TTC3: variants seen among roughly 807,000 people sequenced by gnomAD.
The protein encoded by TTC3 is tetratricopeptide repeat domain 3.
In TTC3, 180 loss-of-function variants were observed where a neutral mutation model predicts 249.6. The observed-to-expected ratio is 0.72, with a 90% CI of 0.64 to 0.82. The LOEUF (loss-of-function observed/expected upper bound fraction) is 0.82. Among genes scored for constraint, TTC3 ranks in the 40% least tolerant of loss-of-function variants. TTC3 has a pLI of 0.00. For synonymous variants in TTC3, 717 were observed against 805.0 expected, an observed-to-expected ratio of 0.89 and a Z score of 1.85; for missense variants, 2,061 against 2,398.4, an observed-to-expected ratio of 0.86 and a Z score of 2.94.
At chr21:37,147,422 A>T in intron 21 of TTC3, 59 bp from the exon 22 acceptor site, 1 of 1,462,266 alleles carries the variant, frequency 6.8e-7, no homozygotes, top group Non-Finnish European at 9.1e-7. Context: ...TGAAATCACA[A>T]GCATTTTTAT....
intron 10 of TTC3, among the ~76,000 whole-genome samples, chr21:37,102,718 C>T (rs1329766722): frequency 3.3e-5 from 5 of 152,160 alleles, no homozygotes; most frequent in Non-Finnish European, 1.5e-5. Context: ...AGAGTAAGGC[C>T]AGGTGCAGTG....
intron 18 of TTC3, among the ~76,000 whole-genome samples, chr21:37,137,612 T>C (rs768713195): frequency 6.6e-6 from 1 of 152,172 alleles, no homozygotes; most frequent in Non-Finnish European, 1.5e-5. Flanking sequence ...TGGAATCTAC[T>C]CCTTGTGAAG....
chr21:37,195,582 C>T lies in TTC3; in HGVS notation c.5218-93C>T, dbSNP rs530067520. 7.0e-5 allele frequency: 105 copies of T among 1,496,326 alleles called. 1 individual carries two copies. In the East Asian group the frequency reaches 2.1e-3, roughly 30 times the overall value. The allele number at this position is 1,496,326 out of a possible 1,614,324, so 92.7% of individuals were successfully genotyped here. On this transcript the variant is annotated intron_variant, in intron 41 of 45. Transcript: ENST00000355666. Reference sequence around the variant, plus strand: ...TCCTGTGCACGGAGCCTCTGCGCTGCGTTACTGTATTTATTCATCGGCCTT... The same window carrying T: ...TCCTGTGCACGGAGCCTCTGCGCTGTGTTACTGTATTTATTCATCGGCCTT...
intron 11 of TTC3, among the ~76,000 whole-genome samples, chr21:37,112,073 C>T (rs1485621857): frequency 6.6e-6 from 1 of 151,948 alleles, no homozygotes. Flanking sequence ...ATTTATAGCA[C>T]TAAATGCCCA....
chr21:37,166,144 A>G lies in TTC3; in HGVS notation c.3930A>G (p.Gln1310=), dbSNP rs1601924362. 8.1e-6 allele frequency: 13 copies of G among 1,614,202 alleles called. No homozygotes were observed. The highest frequency in any genetic ancestry group is 1.1e-5 in the South Asian group (1 of 91,088). Reference sequence around the variant, plus strand: ...ATGTGAAACCAACTTATTGGGCTCAATCCCATTTGGTCACAGGATACTGTA... The same window carrying G: ...ATGTGAAACCAACTTATTGGGCTCAGTCCCATTTGGTCACAGGATACTGTA... The change falls in exon 33 of 46, where the codon CAA becomes CAG. Residue 1310 remains glutamine (Q), a synonymous_variant. Transcript: ENST00000355666.
chr21:37,107,088 T>C (rs903508235), intron 10 of TTC3, among the ~76,000 whole-genome samples: 5 of 152,212 alleles, frequency 3.3e-5, no homozygotes, highest in African/African-American at 1.2e-4. Flanking sequence ...TTTTTTTTTT[T>C]TTTGTACGTA....
intron 32 of TTC3, among the ~76,000 whole-genome samples, chr21:37,164,502 C>T (rs576854992): frequency 9.5e-5 from 11 of 115,824 alleles, no homozygotes; most frequent in African/African-American, 6.8e-5. Flanking sequence ...CCATGCCTGG[C>T]TAATTTTTGT....
chr21:37,129,612 G>T (rs1174733888), intron 16 of TTC3, among the ~76,000 whole-genome samples: 1 of 152,156 alleles, frequency 6.6e-6, no homozygotes, highest in East Asian at 1.9e-4. Context: ...AAAATTAACA[G>T]TAATTAATTG....
chr21:37,119,811 T>A (rs570782960), intron 11 of TTC3, among the ~76,000 whole-genome samples: 1 of 152,346 alleles, frequency 6.6e-6, no homozygotes, highest in Admixed American at 6.5e-5. Context: ...TACTTCATTT[T>A]GGTCAGAAGT....
chr21:37,147,703 G>A (rs2079098513), intron 22 of TTC3, 100 bp downstream of exon 22: 2 of 1,330,826 alleles, frequency 1.5e-6, no homozygotes, highest in Non-Finnish European at 2.0e-6. Flanking sequence ...TCTCTGGCTA[G>A]TTAGCAGTCG....
intron 41 of TTC3, 65 bp from the exon 42 acceptor site, chr21:37,195,610 T>C (rs7280251): frequency 0.48 from 733,843 of 1,525,836 alleles, 179,450 homozygotes; most frequent in African/African-American, 0.65. Flanking sequence ...TCGGCCTTTG[T>C]CCTTGGGCGT....
At chr21:37,091,176 G>C (rs1601328053) in intron 6 of TTC3, 117 bp from the exon 7 acceptor site, 1 of 1,087,050 alleles carries the variant, frequency 9.2e-7, no homozygotes, top group East Asian at 2.6e-5. Context: ...AAAATAAGTG[G>C]TTGTACCAGT....
chr21:37,090,246 T>A, exon 6 of TTC3: 1 of 1,605,052 alleles, frequency 6.2e-7, no homozygotes, highest in South Asian at 1.1e-5. Flanking sequence ...GATTCATTCC[T>A]TATTGGAGGC....
chr21:37,129,641 G>GT (rs1054409772), intron 16 of TTC3, among the ~76,000 whole-genome samples: 20 of 149,616 alleles, frequency 1.3e-4, no homozygotes, highest in Admixed American at 6.0e-4. Flanking sequence ...CTTTTTTTTT[G>GT]TTTTTTTGAG....
chr21:37,095,236 C>T, intron 8 of TTC3, 114 bp from the exon 9 acceptor site: 3 of 632,452 alleles, frequency 4.7e-6, no homozygotes, highest in South Asian at 2.0e-5. Context: ...TAAATAATCC[C>T]CTATGTTATT....
intron 11 of TTC3, among the ~76,000 whole-genome samples, chr21:37,120,944 TTAAG>T (rs1022928982): frequency 1.3e-5 from 2 of 152,184 alleles, no homozygotes; most frequent in Non-Finnish European, 2.9e-5. Flanking sequence ...GGTTTGCCTC[TTAAG>T]TAAGTGTGAT....
At chr21:37,113,572 G>T (rs1809749517) in intron 11 of TTC3, among the ~76,000 whole-genome samples, 1 of 152,158 alleles carries the variant, frequency 6.6e-6, no homozygotes, top group South Asian at 2.1e-4. Flanking sequence ...CATGCTCATG[G>T]GTAGGAAGAA....
rs549838096 is a variant in TTC3, at chr21:37,129,924, C to T, written c.1358+861C>T. On this transcript the variant is annotated intron_variant, in intron 16 of 45. Coordinates refer to ENST00000355666, the Ensembl canonical transcript of TTC3. ...CCTCCCAGAGTGCTGGGATTGCAGG[C>T]GTGTGCCTGGCCTTGCCTCCTGTCT... Among the ~76,000 whole-genome samples, 29 of 152,302 alleles carry T rather than the reference C, an allele frequency of 1.9e-4. No homozygotes were observed. The East Asian group carries it at 2.5e-3, about 13-fold the overall frequency.
rs562599417 is a variant in TTC3, at chr21:37,114,784, C to A, written c.900+6338C>A. Among the ~76,000 whole-genome samples the A allele has an allele frequency of 5.0e-4, 76 of 152,260 alleles. No homozygotes were observed. In the Middle Eastern group the frequency reaches 0.01, roughly 20 times the overall value. ...ATAGCAAAGACTTGGAACCAACCCACATGTCCAACAATGATAGACTGGGTT... is the reference window on the plus strand; with the variant it reads ...ATAGCAAAGACTTGGAACCAACCCAAATGTCCAACAATGATAGACTGGGTT... On this transcript the variant is annotated intron_variant, in intron 11 of 45. Transcript: ENST00000355666.
Sources: allele counts gnomAD v4.1 joint callset (sites outside exome capture counted in the v4.1 genomes callset), GRCh38; gene constraint gnomAD v4.1.1; transcripts MANE v1.5; gene names NCBI Gene and HGNC (gene_info 2026-07-23, HGNC 2026-07-21).